The following PCDH11Y variants were observed in gnomAD, a reference collection of about 807,000 sequenced individuals.
PCDH11Y encodes protocadherin-11 Y-linked.
For missense variants in PCDH11Y, 12 were observed against 224.8 expected, an observed-to-expected ratio of 0.05 and a Z score of 6.05; for synonymous variants, 9 against 83.6, an observed-to-expected ratio of 0.11 and a Z score of 4.87.
chrY:5,256,305 T>C, intron 2 of PCDH11Y, among the ~76,000 whole-genome samples: 1 of 32,712 alleles, frequency 3.1e-5, no homozygotes, highest in Non-Finnish European at 7.5e-5. Context: ...CGACTGTCTT[T>C]GCCCCAGAGT....
At chrY:5,490,950 C>G (rs1472018438) in intron 2 of PCDH11Y, among the ~76,000 whole-genome samples, 899 of 34,058 alleles carry the variant, frequency 0.026, no homozygotes, top group Middle Eastern at 0.21. Context: ...TCCTGACATG[C>G]CCATGGCTGC....
intron 1 of PCDH11Y, among the ~76,000 whole-genome samples, chrY:5,078,879 T>C (rs2124631734): frequency 3.0e-5 from 1 of 33,064 alleles, no homozygotes; most frequent in Admixed American, 2.7e-4. Flanking sequence ...TTAACTTATT[T>C]CAACATTAAC....
intron 2 of PCDH11Y, among the ~76,000 whole-genome samples, chrY:5,386,489 A>G (rs2124675389): frequency 3.1e-5 from 1 of 32,781 alleles, no homozygotes; most frequent in East Asian, 8.1e-4. Flanking sequence ...AGGAATGCCA[A>G]TTATCTTAGG....
chrY:5,160,840 T>TA (rs2052874076), intron 2 of PCDH11Y, among the ~76,000 whole-genome samples: 1 of 32,858 alleles, frequency 3.0e-5, no homozygotes, highest in Non-Finnish European at 7.6e-5. Context: ...TTATGTTTTC[T>TA]AAAATAAGCC....
At chrY:5,703,840 CT>C (rs2053580231) in intron 4 of PCDH11Y, among the ~76,000 whole-genome samples, 3 of 24,591 alleles carry the variant, frequency 1.2e-4, no homozygotes, top group Non-Finnish European at 2.0e-4. Flanking sequence ...GCATTATTCT[CT>C]TTTTTTCCTT....
chrY:5,143,940 A>G (rs2124642805), intron 2 of PCDH11Y, among the ~76,000 whole-genome samples: 1 of 33,761 alleles, frequency 3.0e-5, no homozygotes, highest in South Asian at 6.4e-4. Context: ...TTGAAAACAC[A>G]AGGAAATGAA....
At chrY:5,732,237 A>G in intron 4 of PCDH11Y, among the ~76,000 whole-genome samples, 1 of 31,249 alleles carries the variant, frequency 3.2e-5, no homozygotes, top group Non-Finnish European at 7.8e-5. Context: ...TGGGCTATGT[A>G]TTTAAGTTTG....
intron 4 of PCDH11Y, among the ~76,000 whole-genome samples, chrY:5,718,813 G>A (rs2053592163): frequency 3.0e-5 from 1 of 32,920 alleles, no homozygotes; most frequent in Non-Finnish European, 7.4e-5. Context: ...ACAGTTTGTA[G>A]GGCTCAGAAG....
intron 4 of PCDH11Y, among the ~76,000 whole-genome samples, chrY:5,605,573 G>A: frequency 3.0e-5 from 1 of 33,457 alleles, no homozygotes; most frequent in Non-Finnish European, 7.4e-5. Flanking sequence ...TCACATCTGA[G>A]TAGCTAGATA....
chrY:5,213,846 T>G (rs34073921), intron 2 of PCDH11Y, among the ~76,000 whole-genome samples: 1 of 32,016 alleles, frequency 3.1e-5, no homozygotes, highest in South Asian at 7.2e-4. Flanking sequence ...AAGGCCAGGC[T>G]CGGTGGCTCA....
intron 2 of PCDH11Y, among the ~76,000 whole-genome samples, chrY:5,149,692 G>T: frequency 3.3e-5 from 1 of 30,166 alleles, no homozygotes; most frequent in Non-Finnish European, 8.0e-5. Flanking sequence ...CTGCTGTGTG[G>T]GTCAGCAGAG....
intron 2 of PCDH11Y, among the ~76,000 whole-genome samples, chrY:5,243,321 A>G: frequency 3.0e-5 from 1 of 33,680 alleles, no homozygotes; most frequent in Non-Finnish European, 7.3e-5. Flanking sequence ...ACACACATAC[A>G]CACACATTGC....
intron 4 of PCDH11Y, among the ~76,000 whole-genome samples, chrY:5,703,800 AG>A (rs2053580154): frequency 3.2e-5 from 1 of 31,090 alleles, no homozygotes; most frequent in African/African-American, 1.3e-4. Flanking sequence ...ACAAGTGGAA[AG>A]TAATCATGAC....
chrY:5,107,740 A>G, downstream of PCDH11Y, among the ~76,000 whole-genome samples: 2 of 32,410 alleles, frequency 6.2e-5, no homozygotes, highest in Admixed American at 5.7e-4. Context: ...CATGAAAAGG[A>G]AAAGACAAAA....
intron 2 of PCDH11Y, among the ~76,000 whole-genome samples, chrY:5,401,695 G>A: frequency 3.1e-5 from 1 of 32,472 alleles, no homozygotes; most frequent in African/African-American, 1.2e-4. Flanking sequence ...GAGAACATGC[G>A]GTGTTTGGTT....
intron 2 of PCDH11Y, among the ~76,000 whole-genome samples, chrY:5,293,283 C>T (rs2053069929): frequency 3.2e-5 from 1 of 30,819 alleles, no homozygotes; most frequent in Non-Finnish European, 7.8e-5. Flanking sequence ...ATGTGCACCA[C>T]CACGCCTGGC....
chrY:5,076,490 C>T, intron 1 of PCDH11Y, among the ~76,000 whole-genome samples: 1 of 33,143 alleles, frequency 3.0e-5, no homozygotes, highest in East Asian at 7.9e-4. Flanking sequence ...AATCTTTGCC[C>T]AGACCAATAT....
chrY:5,062,395 TTA>T (rs2052677280), intron 1 of PCDH11Y, among the ~76,000 whole-genome samples: 1 of 32,804 alleles, frequency 3.0e-5, no homozygotes, highest in African/African-American at 1.2e-4. Flanking sequence ...TTACTTGATT[TTA>T]TAGTCTCTGA....
chrY:5,348,955 C>A, intron 2 of PCDH11Y, among the ~76,000 whole-genome samples: 1 of 31,537 alleles, frequency 3.2e-5, no homozygotes, highest in African/African-American at 1.2e-4. Flanking sequence ...AGAGAGAAAC[C>A]CTGTCTCTAC....
Sources: gnomAD v4.1 joint callset for allele counts (sites outside exome capture counted in the v4.1 genomes callset) on GRCh38, gnomAD v4.1.1 for gene constraint, MANE v1.5 for transcripts, NCBI Gene and HGNC (gene_info 2026-07-23, HGNC 2026-07-21) for gene names.